The following ERC1 variants were observed in gnomAD, a reference collection of about 807,000 sequenced individuals.
The protein encoded by ERC1 is RAB6 interacting protein 2.
ERC1 carries 56 observed loss-of-function variants against 132.0 expected under a neutral mutation model. The observed-to-expected ratio is 0.42, with a 90% confidence interval of 0.34 to 0.53. The LOEUF is 0.53. Among genes scored for constraint, ERC1 ranks in the 20% least tolerant of loss-of-function variants. The probability of loss-of-function intolerance (pLI) is 0.03; values close to 1 mark genes in which losing one functional copy is unlikely to be tolerated. For missense variants in ERC1, 1,202 were observed against 1,349.9 expected (o/e 0.89, Z 1.72); for synonymous variants, 478 against 476.1 (o/e 1.00, Z -0.05).
intron 17 of ERC1, among the ~76,000 whole-genome samples, chr12:1,443,017 C>T (rs974559581): frequency 6.6e-6 from 1 of 151,986 alleles, no homozygotes; most frequent in African/African-American, 2.4e-5. Flanking sequence ...ACACCATTCT[C>T]CTGCCTCTGC....
At chr12:1,443,797 C>A (rs2093228658) in intron 17 of ERC1, 1 of 152,118 alleles carries the variant, frequency 6.6e-6, no homozygotes. Context: ...CAGAAGGAAT[C>A]AAAGGAGTAG....
chr12:1,218,814 A>C (rs866550900), intron 12 of ERC1, among the ~76,000 whole-genome samples: 1 of 145,962 alleles, frequency 6.9e-6, no homozygotes, highest in Non-Finnish European at 1.5e-5. Context: ...TCTCAGTCCT[A>C]TTCTCATATA....
At chr12:1,317,382 C>T (rs972069378) in intron 15 of ERC1, among the ~76,000 whole-genome samples, 3 of 151,364 alleles carry the variant, frequency 2.0e-5, no homozygotes, top group Admixed American at 6.6e-5. Context: ...GGGAGGGGAA[C>T]ATCACACACG....
intron 18 of ERC1, among the ~76,000 whole-genome samples, chr12:1,476,814 G>C (rs10848474): frequency 6.6e-6 from 1 of 152,018 alleles, no homozygotes; most frequent in Non-Finnish European, 1.5e-5. Context: ...ATGGGAAAAT[G>C]TAATACATTA....
chr12:1,350,924 C>T lies in ERC1; in HGVS notation c.2781-20909C>T, dbSNP rs538502579. 6.6e-5 allele frequency among the ~76,000 whole-genome samples: 10 copies of T among 152,230 alleles called. No homozygotes were observed. The South Asian group carries it at 1.0e-3, about 16-fold the overall frequency. On this transcript the variant is annotated intron_variant, in intron 15 of 18. Coordinates refer to ENST00000360905, the MANE Select transcript of ERC1 (RefSeq NM_178040.4). The stretch of plus-strand genomic sequence containing the variant: ...GGGTCCATCCTGGCTTTATCACAAC[C>T]CACTCTCCTGGGAACTAATCTGTTC...
At chr12:1,368,554 G>A (rs1359710519) in intron 15 of ERC1, among the ~76,000 whole-genome samples, 1 of 152,056 alleles carries the variant, frequency 6.6e-6, no homozygotes, top group African/African-American at 2.4e-5. Flanking sequence ...AACTTAATCA[G>A]GTAAGTCCGA....
chr12:1,008,432 C>G (rs919645256), intron 1 of ERC1, among the ~76,000 whole-genome samples: 6 of 152,124 alleles, frequency 3.9e-5, no homozygotes, highest in African/African-American at 1.4e-4. Context: ...AATTATTGAT[C>G]TATTTACATA....
chr12:1,425,722 C>T lies in ERC1; in HGVS notation c.3024+17475C>T, dbSNP rs535563140. Among the ~76,000 whole-genome samples the T allele has an allele frequency of 1.1e-4, 16 of 152,298 alleles. 1 individual carries two copies. In the South Asian group the frequency reaches 1.5e-3, roughly 14 times the overall value. On this transcript the variant is annotated intron_variant, in intron 17 of 18. Coordinates refer to ENST00000360905, the MANE Select transcript of ERC1 (RefSeq NM_178040.4). ...CTGACAGACTTAGTATTAGGATCAA[C>T]TATCATTTTTCTGGCCCTAATGCAC... is the stretch of plus-strand genomic sequence containing the variant.
intron 14 of ERC1, among the ~76,000 whole-genome samples, chr12:1,282,077 A>G (rs2078717541): frequency 6.6e-6 from 1 of 152,054 alleles, no homozygotes; most frequent in Non-Finnish European, 1.5e-5. Context: ...AAAAAGAAGC[A>G]TTTCTTTCAC....
chr12:1,125,151 C>A (rs190788937), intron 7 of ERC1, among the ~76,000 whole-genome samples: 1 of 152,010 alleles, frequency 6.6e-6, no homozygotes, highest in African/African-American at 2.4e-5. Context: ...CATGCCACCA[C>A]GCCCAGCTAA....
intron 8 of ERC1, among the ~76,000 whole-genome samples, chr12:1,166,817 A>G (rs1439895227): frequency 6.6e-6 from 1 of 152,310 alleles, no homozygotes; most frequent in African/African-American, 2.4e-5. Context: ...TATGGAGACA[A>G]TAGAAGTGGA....
At chr12:1,448,316 T>C (rs2093352587) in intron 18 of ERC1, among the ~76,000 whole-genome samples, 3 of 152,194 alleles carry the variant, frequency 2.0e-5, no homozygotes, top group Admixed American at 1.3e-4. Flanking sequence ...GAGACCTGGG[T>C]CATCTACAGA....
intron 15 of ERC1, among the ~76,000 whole-genome samples, chr12:1,357,419 C>T (rs1178718747): frequency 2.0e-5 from 3 of 152,190 alleles, no homozygotes; most frequent in African/African-American, 7.2e-5. Flanking sequence ...GGGACAGTGA[C>T]AAAGTGCAGA....
intron 2 of ERC1, among the ~76,000 whole-genome samples, chr12:1,082,265 A>G (rs1411589994): frequency 6.6e-6 from 1 of 151,248 alleles, no homozygotes; most frequent in African/African-American, 2.4e-5. Context: ...TGACCTCGTG[A>G]TGTGCCCGAC....
chr12:1,224,274 GAC>G (rs562480602), intron 12 of ERC1, among the ~76,000 whole-genome samples: 88 of 152,140 alleles, frequency 5.8e-4, no homozygotes, highest in Admixed American at 9.2e-4. Flanking sequence ...TACACAGACA[GAC>G]ACGCATACAC....
Position 1,121,773 on chromosome 12 carries a change from ATC to A in ERC1, c.1569+5744_1569+5745del, listed in dbSNP as rs1566013749. On this transcript the variant is annotated intron_variant, in intron 7 of 18. Transcript: ENST00000360905. ...TCTATCTCTATCTCTATCTATCTCTATCTCTATCTATCTCTATCTCTATCTCT... is the reference window on the plus strand; with the variant it reads ...TCTATCTCTATCTCTATCTATCTCTATCTATCTATCTCTATCTCTATCTCT... 4.7e-4 allele frequency among the ~76,000 whole-genome samples: 3 copies of A among 6,426 alleles called. 1 individual carries two copies. The highest frequency in any genetic ancestry group is 7.4e-4 in the African/African-American group (3 of 4,030). The allele number at this position is 6,426 out of a possible 152,430, so 4.2% of individuals were successfully genotyped here.
At chr12:1,055,151 C>CCTTTCCTTTTTT (rs1356630818) in intron 2 of ERC1, among the ~76,000 whole-genome samples, 1 of 151,990 alleles carries the variant, frequency 6.6e-6, no homozygotes, top group Non-Finnish European at 1.5e-5. Context: ...GATTTCCTTT[C>CCTTTCCTTTTTT]CTTTCCTTTT....
chr12:1,396,245 T>C (rs1317809262), intron 16 of ERC1, among the ~76,000 whole-genome samples: 1 of 152,198 alleles, frequency 6.6e-6, no homozygotes, highest in East Asian at 1.9e-4. Flanking sequence ...TTTTGTTTAA[T>C]ACAAAGAGGA....
At chr12:1,057,791 T>C (rs7963507) in intron 2 of ERC1, among the ~76,000 whole-genome samples, 24,642 of 151,852 alleles carry the variant, frequency 0.16, 3,513 homozygotes, top group African/African-American at 0.39. Flanking sequence ...AGGTGGGGTT[T>C]CACCATATTT....
Sources: allele counts gnomAD v4.1 joint callset (sites outside exome capture counted in the v4.1 genomes callset), GRCh38; gene constraint gnomAD v4.1.1; transcripts MANE v1.5; gene names NCBI Gene and HGNC (gene_info 2026-07-23, HGNC 2026-07-21).